Variants in LCORL observed in about 807,000 individuals in gnomAD.
LCORL encodes the protein ligand-dependent nuclear receptor corepressor-like protein.
A neutral mutation model predicts 141.8 loss-of-function variants in LCORL; 41 were observed. The observed-to-expected ratio is 0.29, with a 90% CI of 0.23 to 0.38. The LOEUF (loss-of-function observed/expected upper bound fraction) is 0.38, where lower values mean the gene tolerates loss of function less well. LCORL is among the 10% of genes least tolerant of loss of function. The probability of loss-of-function intolerance (pLI) is 1.00; values close to 1 mark genes in which losing one functional copy is unlikely to be tolerated. For synonymous variants in LCORL, 618 were observed against 694.1 expected (o/e 0.89, Z 1.72); for missense variants, 1,759 against 2,035.0 (o/e 0.86, Z 2.61).
At chr4:17,892,811 T>C (rs1413469091) in intron 5 of LCORL, among the ~76,000 whole-genome samples, 1 of 152,166 alleles carries the variant, frequency 6.6e-6, no homozygotes, top group African/African-American at 2.4e-5. Flanking sequence ...AATCATGGCT[T>C]CAAAAGGTTT....
At chr4:17,935,861 A>G (rs1419193151) in intron 4 of LCORL, among the ~76,000 whole-genome samples, 1 of 152,214 alleles carries the variant, frequency 6.6e-6, no homozygotes, top group African/African-American at 2.4e-5. Context: ...GAAAAATAAC[A>G]AAAATATGGA....
intron 1 of LCORL, among the ~76,000 whole-genome samples, chr4:18,013,140 C>T (rs1444442801): frequency 6.6e-6 from 1 of 151,704 alleles, no homozygotes; most frequent in Non-Finnish European, 1.5e-5. Context: ...CGTAACAATC[C>T]CTCCTTATTG....
intron 1 of LCORL, among the ~76,000 whole-genome samples, chr4:17,980,197 C>G (rs1289653025): frequency 6.6e-6 from 1 of 152,190 alleles, no homozygotes. Context: ...GAAACTCATA[C>G]CTGCTTCAAA....
In LCORL at chr4:17,903,193, C is replaced by T. The variant is rs187083470; in HGVS notation, c.682+5901G>A. The stretch of plus-strand genomic sequence containing the variant: ...TGTACCATACCAAGCAGTGGAGACA[C>T]AAAAGTGAAAAAAGACAAGTTTCCT... On this transcript the variant is annotated intron_variant, in intron 5 of 7. Coordinates refer to ENST00000635767, the Ensembl canonical transcript of LCORL. Among the ~76,000 whole-genome samples the T allele has an allele frequency of 9.3e-4, 141 of 151,908 alleles. 1 individual carries two copies. The highest frequency in any genetic ancestry group is 1.5e-3 in the Non-Finnish European group (99 of 67,876).
intron 1 of LCORL, among the ~76,000 whole-genome samples, chr4:18,006,558 A>G (rs890520471): frequency 1.3e-5 from 2 of 152,206 alleles, no homozygotes; most frequent in African/African-American, 4.8e-5. Context: ...AAAGAGGTTT[A>G]TGGGATTTAC....
At chr4:17,870,875 G>C (rs1425245546) in intron 7 of LCORL, among the ~76,000 whole-genome samples, 1 of 152,118 alleles carries the variant, frequency 6.6e-6, no homozygotes. Flanking sequence ...ATGTGGTGAA[G>C]TATAAATTTA....
At chr4:17,867,912 A>C (rs1725879770) in intron 7 of LCORL, among the ~76,000 whole-genome samples, 1 of 152,190 alleles carries the variant, frequency 6.6e-6, no homozygotes, top group Non-Finnish European at 1.5e-5. Context: ...AGACTCTTTA[A>C]AACCTAAACT....
chr4:17,964,643 C>A (rs1714500294), intron 2 of LCORL, among the ~76,000 whole-genome samples: 1 of 152,206 alleles, frequency 6.6e-6, no homozygotes, highest in African/African-American at 2.4e-5. Context: ...TTCAAACTTT[C>A]ACCCCCTCAC....
exon 7 of LCORL, chr4:17,877,341 A>G: frequency 8.1e-7 from 1 of 1,230,386 alleles, no homozygotes; most frequent in Non-Finnish European, 1.0e-6. Context: ...TAATTTTACA[A>G]GGCTTGTCAT....
At chr4:17,881,572 A>C (rs535670067) in intron 6 of LCORL, 8 of 975,050 alleles carry the variant, frequency 8.2e-6, no homozygotes, top group Middle Eastern at 5.3e-4. Context: ...ATTACTGTGA[A>C]GTCAATAGCA....
intron 4 of LCORL, among the ~76,000 whole-genome samples, chr4:17,948,934 T>C (rs971382164): frequency 5.3e-5 from 8 of 152,132 alleles, no homozygotes; most frequent in Admixed American, 5.2e-4. Context: ...TGAAGTCAAA[T>C]ACTGTAGGGT....
chr4:17,926,609 T>C (rs1735192132), intron 4 of LCORL, among the ~76,000 whole-genome samples: 1 of 152,254 alleles, frequency 6.6e-6, no homozygotes, highest in East Asian at 1.9e-4. Flanking sequence ...TCTGGGATTC[T>C]GGCTTCCTTG....
chr4:17,853,893 T>A (rs1724054402), intron 7 of LCORL, among the ~76,000 whole-genome samples: 1 of 143,180 alleles, frequency 7.0e-6, no homozygotes, highest in African/African-American at 2.8e-5. Context: ...TTAGGAGTAT[T>A]TAAAAAAAGT....
chr4:17,912,168 C>T lies in LCORL; in HGVS notation c.431-2823G>A. On this transcript the variant is annotated intron_variant, in intron 4 of 7. Transcript: ENST00000635767. ...GCATTGTTCTGCAGATCGACAATGC[C>T]CGTCTTGCTGCTGATGACTTTAGAG... 4 of 1,022,780 alleles carry T rather than the reference C, an allele frequency of 3.9e-6. No homozygotes were observed. In the South Asian group the frequency reaches 5.0e-5, roughly 13 times the overall value. The allele number at this position is 1,022,780 out of a possible 1,614,324, so 63.4% of individuals were successfully genotyped here.
At chr4:17,982,403 T>C (rs888551464) in intron 1 of LCORL, among the ~76,000 whole-genome samples, 4 of 152,156 alleles carry the variant, frequency 2.6e-5, no homozygotes, top group African/African-American at 7.2e-5. Context: ...CCACCAACAG[T>C]GTGTAAGTGT....
intron 1 of LCORL, among the ~76,000 whole-genome samples, chr4:18,018,470 T>C (rs1201096276): frequency 6.6e-6 from 1 of 152,070 alleles, no homozygotes; most frequent in Non-Finnish European, 1.5e-5. Context: ...AAGAAAACTA[T>C]GTGGAATGAA....
rs375277451 is a variant in LCORL, at chr4:17,919,674, T to C, written c.431-10329A>G. Among the ~76,000 whole-genome samples the C allele has an allele frequency of 1.8e-4, 28 of 152,344 alleles. No individual in the cohort carries two copies. In the South Asian group the frequency reaches 5.6e-3, roughly 30 times the overall value. ...CATATTGGTTCTCATCCATGTTTCTTGGATCATAACTTCCACAGCCCTTGT... is the reference window on the plus strand; with the variant it reads ...CATATTGGTTCTCATCCATGTTTCTCGGATCATAACTTCCACAGCCCTTGT... On this transcript the variant is annotated intron_variant, in intron 4 of 7. Coordinates refer to ENST00000635767, the Ensembl canonical transcript of LCORL.
At chr4:17,860,214 C>T (rs1560260557) in intron 7 of LCORL, among the ~76,000 whole-genome samples, 1 of 152,188 alleles carries the variant, frequency 6.6e-6, no homozygotes, top group Non-Finnish European at 1.5e-5. Context: ...AACTATACTA[C>T]GAGGCTACTG....
rs554939842 is a variant in LCORL, at chr4:17,896,742, TCA to T, written c.683-10583_683-10582del. Among the ~76,000 whole-genome samples the T allele has an allele frequency of 2.9e-4, 44 of 152,308 alleles. No homozygotes were observed. The South Asian group carries it at 8.7e-3, about 30-fold the overall frequency. The stretch of plus-strand genomic sequence containing the variant: ...TGTGTTGCAAACAATATAATTATAC[TCA>T]GTTATTTTAAAATGTACAATTAAAC... On this transcript the variant is annotated intron_variant, in intron 5 of 7. Coordinates refer to ENST00000635767, the Ensembl canonical transcript of LCORL.
Sources: allele counts gnomAD v4.1 joint callset (sites outside exome capture counted in the v4.1 genomes callset), GRCh38; gene constraint gnomAD v4.1.1; transcripts MANE v1.5; gene names NCBI Gene and HGNC (gene_info 2026-07-23, HGNC 2026-07-21).